MAPK14: variants seen among roughly 807,000 people sequenced by gnomAD.
The protein encoded by MAPK14 is CSAID-binding protein.
A neutral mutation model predicts 49.6 loss-of-function variants in MAPK14; 16 were observed. That is an observed-to-expected ratio of 0.32 (90% CI 0.22 to 0.49). The LOEUF is 0.49. Ranked by LOEUF, MAPK14 falls within the 20% of genes least tolerant of loss-of-function variation. The pLI is 0.99. For missense variants in MAPK14, 200 were observed against 441.2 expected, an observed-to-expected ratio of 0.45 and a Z score of 4.90; for synonymous variants, 142 against 158.0, an observed-to-expected ratio of 0.90 and a Z score of 0.76.
At chr6:36,062,821 T>C (rs1763878797) in intron 3 of MAPK14, among the ~76,000 whole-genome samples, 1 of 151,746 alleles carries the variant, frequency 6.6e-6, no homozygotes, top group African/African-American at 2.4e-5. Flanking sequence ...CCATGCCTGG[T>C]TAATTTTTGT....
Position 36,074,054 on chromosome 6 carries a change from A to C in MAPK14, c.453A>C (p.Leu151=). ...TCCCTGTATTTGCTTCCTAGGACCT[A>C]AAACCTAGTAATCTAGCTGTGAATG... is the stretch of plus-strand genomic sequence containing the variant. The part of the protein sequence containing the change: ...IHSADIIHRD[L]KPSNLAVNED... The change falls in exon 6 of 12, where the codon CTA becomes CTC. Residue 151 remains leucine (L), a synonymous_variant. Coordinates refer to ENST00000229794, the MANE Select transcript of MAPK14 (RefSeq NM_139012.3). 7 of 1,611,874 alleles carry C rather than the reference A, an allele frequency of 4.3e-6. No homozygotes were observed. Among genetic ancestry groups the C allele is most frequent in the Non-Finnish European group, 5.9e-6 (7 of 1,178,084 alleles).
intron 8 of MAPK14, among the ~76,000 whole-genome samples, chr6:36,079,387 T>A (rs149317372): frequency 1.3e-5 from 2 of 152,344 alleles, no homozygotes; most frequent in East Asian, 3.9e-4. Context: ...GATATTTAAA[T>A]GCAACCTCTA....
intron 1 of MAPK14, among the ~76,000 whole-genome samples, chr6:36,034,345 T>G (rs2127393804): frequency 6.6e-6 from 1 of 152,382 alleles, no homozygotes; most frequent in East Asian, 1.9e-4. Context: ...ATTGAAATTC[T>G]TCAGTGTACA....
intron 9 of MAPK14, among the ~76,000 whole-genome samples, chr6:36,101,880 G>T (rs1318639453): frequency 6.6e-6 from 1 of 152,082 alleles, no homozygotes; most frequent in African/African-American, 2.4e-5. Flanking sequence ...TTTTACTGTT[G>T]GACTGTATTA....
At chr6:36,032,338 A>G (rs1346472888) in intron 1 of MAPK14, among the ~76,000 whole-genome samples, 1 of 152,218 alleles carries the variant, frequency 6.6e-6, no homozygotes, top group Non-Finnish European at 1.5e-5. Context: ...TTAAAGGGTA[A>G]AGGGAACTAG....
At position 36,076,885 on chromosome 6, in the gene MAPK14, G is replaced by A. The variant is rs532912902; in HGVS notation, c.682+277G>A. 99 of 269,940 alleles carry A rather than the reference G, an allele frequency of 3.7e-4. No individual in the cohort carries two copies. The South Asian group carries it at 7.8e-3, about 21-fold the overall frequency. The allele number at this position is 269,940 out of a possible 1,614,324, so 16.7% of individuals were successfully genotyped here. On this transcript the variant is annotated intron_variant, in intron 8 of 11. Transcript: ENST00000229794. Reference sequence around the variant, plus strand: ...GTCCCTTATTAATCATCCCACAGCAGTTCTGAGACCTGAGCATACTCATGA... The same window carrying A: ...GTCCCTTATTAATCATCCCACAGCAATTCTGAGACCTGAGCATACTCATGA...
chr6:36,060,919 A>C (rs760026626), intron 3 of MAPK14, among the ~76,000 whole-genome samples: 6 of 152,214 alleles, frequency 3.9e-5, no homozygotes, highest in Non-Finnish European at 7.3e-5. Context: ...AAGTTTAAGA[A>C]ACAAAGGAAA....
intron 8 of MAPK14, among the ~76,000 whole-genome samples, chr6:36,091,676 T>G (rs1765235869): frequency 6.6e-6 from 1 of 152,216 alleles, no homozygotes; most frequent in Non-Finnish European, 1.5e-5. Flanking sequence ...TGGTGATTTC[T>G]TCTGAGGTTT....
chr6:36,103,248 C>T (rs972567729), intron 10 of MAPK14, among the ~76,000 whole-genome samples: 4 of 152,146 alleles, frequency 2.6e-5, no homozygotes, highest in African/African-American at 9.7e-5. Flanking sequence ...CTTCAAGATC[C>T]TTGGCAGAGG....
intron 4 of MAPK14, 39 bp from the exon 5 acceptor site, chr6:36,073,652 G>A (rs199582332): frequency 1.9e-5 from 30 of 1,540,234 alleles, no homozygotes; most frequent in Non-Finnish European, 2.6e-5. Flanking sequence ...TATGACAATA[G>A]AAGGTTGGAG....
chr6:36,077,239 A>G (rs192249504), intron 8 of MAPK14, among the ~76,000 whole-genome samples: 130 of 152,158 alleles, frequency 8.5e-4, no homozygotes, highest in African/African-American at 3.0e-3. Flanking sequence ...CTCCTTTCCT[A>G]TCTGCGGTAT....
Position 36,107,671 on chromosome 6 carries a change from A to G in MAPK14, c.1015+43A>G, listed in dbSNP as rs201293165. 1 of 1,427,428 alleles carries G rather than the reference A, an allele frequency of 7.0e-7. No homozygotes were observed. The highest frequency in any genetic ancestry group is 9.4e-7 in the Non-Finnish European group (1 of 1,068,138). The allele number at this position is 1,427,428 out of a possible 1,614,324, so 88.4% of individuals were successfully genotyped here. A position where few individuals can be genotyped will look rare whatever the true frequency, so the allele number is the denominator to read the frequency against. On this transcript the variant is annotated intron_variant, in intron 11 of 11. Coordinates refer to ENST00000229794, the MANE Select transcript of MAPK14 (RefSeq NM_139012.3). The surrounding 1 kb of genome is among the most constrained non-coding windows in gnomAD (Gnocchi z 4.3). Reference sequence around the variant, plus strand: ...GATTAACATCTTGAACCACTAACCAAAAGCGGTGGGAAAAATAAAAACTGA... The same window carrying G: ...GATTAACATCTTGAACCACTAACCAGAAGCGGTGGGAAAAATAAAAACTGA...
At chr6:36,105,513 C>G (rs926612458) in intron 10 of MAPK14, among the ~76,000 whole-genome samples, 1 of 152,008 alleles carries the variant, frequency 6.6e-6, no homozygotes, top group African/African-American at 2.4e-5. Flanking sequence ...AATCTGTGTT[C>G]AATTATAAAA....
chr6:36,070,859 T>C (rs1764242806), intron 3 of MAPK14, among the ~76,000 whole-genome samples: 1 of 152,152 alleles, frequency 6.6e-6, no homozygotes, highest in Non-Finnish European at 1.5e-5. Context: ...TTTATTCTTA[T>C]AATATATTAA....
intron 1 of MAPK14, among the ~76,000 whole-genome samples, chr6:36,044,074 T>C (rs1368233956): frequency 1.3e-5 from 2 of 152,108 alleles, no homozygotes; most frequent in Non-Finnish European, 2.9e-5. Context: ...CCTCCCAAAG[T>C]TCTGGGATTA....
chr6:36,029,795 T>C (rs1329701831), intron 1 of MAPK14, among the ~76,000 whole-genome samples: 1 of 152,162 alleles, frequency 6.6e-6, no homozygotes. Context: ...TTTTACAGCA[T>C]GGCAGTTTAC....
intron 1 of MAPK14, among the ~76,000 whole-genome samples, chr6:36,037,312 A>G (rs188822341): frequency 4.6e-5 from 7 of 152,262 alleles, no homozygotes; most frequent in African/African-American, 9.6e-5. Flanking sequence ...GTCTTTTAAT[A>G]ATTTATTATA....
chr6:36,057,778 C>A (rs549518413), intron 2 of MAPK14, among the ~76,000 whole-genome samples: 1 of 152,006 alleles, frequency 6.6e-6, no homozygotes, highest in South Asian at 2.1e-4. Context: ...ATTAGAAGAT[C>A]TTTTTCATGA....
intron 1 of MAPK14, among the ~76,000 whole-genome samples, chr6:36,031,828 A>G (rs1041149142): frequency 5.3e-5 from 8 of 152,228 alleles, no homozygotes; most frequent in African/African-American, 1.7e-4. Context: ...GGTTGGTGAT[A>G]CTACTGTTTT....
Sources: allele counts gnomAD v4.1 joint callset (sites outside exome capture counted in the v4.1 genomes callset), GRCh38; gene constraint gnomAD v4.1.1; non-coding constraint Gnocchi (gnomAD v3.1); transcripts MANE v1.5; gene names NCBI Gene and HGNC (gene_info 2026-07-23, HGNC 2026-07-21).